The following CELA2B variants were observed in gnomAD, a reference collection of about 807,000 sequenced individuals.
CELA2B encodes the protein chymotrypsin like elastase 2B, also known as chymotrypsin-like elastase family member 2B.
A neutral mutation model predicts 36.5 loss-of-function variants in CELA2B; 27 were observed. The observed-to-expected ratio is 0.74, with a 90% CI of 0.55 to 1.02. The LOEUF (loss-of-function observed/expected upper bound fraction) is 1.02, where lower values mean the gene tolerates loss of function less well. Ranked by LOEUF, CELA2B falls within the 50% of genes least tolerant of loss-of-function variation. The pLI, the probability that CELA2B is intolerant of heterozygous loss-of-function variation, is 0.00. For synonymous variants in CELA2B, 143 were observed against 148.5 expected (o/e 0.96, Z 0.27); for missense variants, 340 against 347.8 (o/e 0.98, Z 0.18).
chr1:15,485,001 G>A (rs1014150996), intron 5 of CELA2B, among the ~76,000 whole-genome samples: 4 of 151,528 alleles, frequency 2.6e-5, no homozygotes, highest in South Asian at 2.1e-4. Flanking sequence ...ACATTCAACC[G>A]ATTCTCCTGC....
At chr1:15,486,190 C>T in intron 6 of CELA2B, 144 bp downstream of exon 6, 1 of 1,128,206 alleles carries the variant, frequency 8.9e-7, no homozygotes, top group East Asian at 2.4e-5. Context: ...ATATCAGAAC[C>T]TGACCTTTGG....
At chr1:15,489,145 T>C (rs1708841130) in intron 7 of CELA2B, among the ~76,000 whole-genome samples, 1 of 152,236 alleles carries the variant, frequency 6.6e-6, no homozygotes, top group Admixed American at 6.5e-5. Context: ...CCCCAGCTGC[T>C]GTGGGAGTCA....
At chr1:15,490,261 T>TATAC (rs1557528351) in intron 7 of CELA2B, among the ~76,000 whole-genome samples, 3 of 140,608 alleles carry the variant, frequency 2.1e-5, no homozygotes, top group African/African-American at 7.7e-5. Context: ...TCTATCTATA[T>TATAC]ACACACACAC....
chr1:15,478,924 C>T (rs527427775), intron 2 of CELA2B, among the ~76,000 whole-genome samples: 2 of 152,206 alleles, frequency 1.3e-5, no homozygotes, highest in African/African-American at 4.8e-5. Flanking sequence ...GGCTTATGTT[C>T]CCCATTTCCA....
chr1:15,491,264 C>T, intron 7 of CELA2B, 31 bp from the exon 8 acceptor site: 2 of 1,614,074 alleles, frequency 1.2e-6, no homozygotes, highest in Non-Finnish European at 1.7e-6. Flanking sequence ...TTACGTGAAC[C>T]TGACAATTTT....
rs370955886 is a variant in CELA2B, at chr1:15,482,485, C to A, written c.356+92C>A. The A allele has an allele frequency of 1.6e-5, 25 of 1,544,658 alleles. No homozygotes were observed. The African/African-American group carries it at 2.3e-4, about 14-fold the overall frequency. Reference sequence around the variant, plus strand: ...CAAAGGTCTCAACCCCACCACACCCCCTCTGCTTTTTCTATAGGGAAGAGA... The same window carrying A: ...CAAAGGTCTCAACCCCACCACACCCACTCTGCTTTTTCTATAGGGAAGAGA... On this transcript the variant is annotated intron_variant, in intron 4 of 7. Coordinates refer to ENST00000375910, the MANE Select transcript of CELA2B (RefSeq NM_015849.3).
chr1:15,485,266 G>A (rs1708790838), intron 5 of CELA2B, among the ~76,000 whole-genome samples: 1 of 152,212 alleles, frequency 6.6e-6, no homozygotes, highest in Admixed American at 6.5e-5. Context: ...ACTCATAGCT[G>A]TGGTAACAGT....
At chr1:15,476,936 C>T (rs1157286693) in intron 2 of CELA2B, among the ~76,000 whole-genome samples, 1 of 152,014 alleles carries the variant, frequency 6.6e-6, no homozygotes, top group Non-Finnish European at 1.5e-5. Flanking sequence ...GAGCTGAGAT[C>T]GCACCACTAC....
intron 7 of CELA2B, 148 bp from the exon 8 acceptor site, chr1:15,491,147 C>G: frequency 1.2e-6 from 1 of 835,218 alleles, no homozygotes; most frequent in South Asian, 1.4e-5. Context: ...GAAACATCAT[C>G]TGAACTCCTC....
chr1:15,487,095 G>A (rs1708813115), intron 6 of CELA2B, among the ~76,000 whole-genome samples, 190 bp from the exon 7 acceptor site: 1 of 152,224 alleles, frequency 6.6e-6, no homozygotes, highest in Non-Finnish European at 1.5e-5. Flanking sequence ...AACATGCTTA[G>A]CTCAGCTCTA....
intron 7 of CELA2B, among the ~76,000 whole-genome samples, chr1:15,488,810 A>G (rs544937527): frequency 1.3e-5 from 2 of 152,334 alleles, no homozygotes; most frequent in Admixed American, 1.3e-4. Context: ...AGAAAACTAA[A>G]CTGTCAAAAT....
chr1:15,489,677 T>C (rs993140831), intron 7 of CELA2B, among the ~76,000 whole-genome samples: 2 of 152,202 alleles, frequency 1.3e-5, no homozygotes, highest in African/African-American at 4.8e-5. Context: ...GCCTGCGGCA[T>C]TCATCCTTTC....
At position 15,483,324 on chromosome 1, in the gene CELA2B, G is replaced by A. The variant is rs1708765315; in HGVS notation, c.417G>A (p.Leu139=). Residue 139 remains leucine (L), a synonymous_variant, in exon 5 of 8, where the codon CTG becomes CTA. Transcript: ENST00000375910. ...TCTCCCTCACCGACAAGATCCAGCT[G>A]GCCTGCCTCCCTCCTGCCGGCACCA... ...NPVSLTDKIQ[L]ACLPPAGTIL... The A allele has an allele frequency of 6.2e-7, 1 of 1,613,892 alleles. No individual in the cohort carries two copies. The highest frequency in any genetic ancestry group is 8.5e-7 in the Non-Finnish European group (1 of 1,179,954).
intron 2 of CELA2B, among the ~76,000 whole-genome samples, chr1:15,478,664 C>G (rs1220326818): frequency 6.6e-6 from 1 of 150,850 alleles, no homozygotes; most frequent in Non-Finnish European, 1.5e-5. Flanking sequence ...CTTTCAGGTT[C>G]AAGCAATTCT....
chr1:15,491,215 G>C, intron 7 of CELA2B, 80 bp from the exon 8 acceptor site: 1 of 1,567,216 alleles, frequency 6.4e-7, no homozygotes, highest in Non-Finnish European at 8.8e-7. Context: ...CTTAGCCCAG[G>C]AGGACAGAGA....
intron 7 of CELA2B, among the ~76,000 whole-genome samples, chr1:15,487,704 T>A (rs1245547371): frequency 6.6e-6 from 1 of 152,172 alleles, no homozygotes; most frequent in Non-Finnish European, 1.5e-5. Flanking sequence ...TAAGAGTGAG[T>A]TCCACAGGAA....
At chr1:15,483,488 A>G in intron 5 of CELA2B, 88 bp downstream of exon 5, 1 of 1,586,056 alleles carries the variant, frequency 6.3e-7, no homozygotes, top group Non-Finnish European at 8.6e-7. Flanking sequence ...CTCACATGTT[A>G]TCCTGGGCAT....
At chr1:15,484,957 G>A (rs1332987014) in intron 5 of CELA2B, among the ~76,000 whole-genome samples, 1 of 151,860 alleles carries the variant, frequency 6.6e-6, no homozygotes, top group Non-Finnish European at 1.5e-5. Context: ...GAGTGCAGTG[G>A]CACAATCTCT....
rs111755920 is a variant in CELA2B at position 15,482,910 on chromosome 1, A to G, written c.357-354A>G. Reference sequence around the variant, plus strand: ...ACACCGTTCTCCTGCCTCAGCCTCCAGAGTAGCTGGGACTACAAGTGCCCA... The same window carrying G: ...ACACCGTTCTCCTGCCTCAGCCTCCGGAGTAGCTGGGACTACAAGTGCCCA... On this transcript the variant is annotated intron_variant, in intron 4 of 7. Transcript: ENST00000375910. Among the ~76,000 whole-genome samples the G allele has an allele frequency of 5.3e-5, 8 of 151,444 alleles. 1 individual carries two copies. The highest frequency in any genetic ancestry group is 1.9e-4 in the African/African-American group (8 of 41,126).
Sources: gnomAD v4.1 joint callset for allele counts (sites outside exome capture counted in the v4.1 genomes callset) on GRCh38, gnomAD v4.1.1 for gene constraint, MANE v1.5 for transcripts, NCBI Gene and HGNC (gene_info 2026-07-23, HGNC 2026-07-21) for gene names.